GPR173: variants seen among roughly 807,000 people sequenced by gnomAD.
The protein encoded by GPR173 is probable G protein-coupled receptor 173.
A neutral mutation model predicts 13.9 loss-of-function variants in GPR173; 2 were observed. The observed-to-expected ratio is 0.14, with a 90% confidence interval of 0.06 to 0.45. The LOEUF (loss-of-function observed/expected upper bound fraction) is 0.45, where lower values mean the gene tolerates loss of function less well. GPR173 is among the 20% of genes least tolerant of loss of function. The pLI, the probability that GPR173 is intolerant of heterozygous loss-of-function variation, is 0.98. For synonymous variants in GPR173, 131 were observed against 141.0 expected (o/e 0.93, Z 0.50); for missense variants, 202 against 340.5 (o/e 0.59, Z 3.20).
rs186097509 is a variant in GPR173 at position 53,057,615 on chromosome X, G to C, written c.-98+8131G>C. On this transcript the variant is annotated intron_variant, in intron 1 of 1. Coordinates refer to ENST00000332582, the MANE Select transcript of GPR173 (RefSeq NM_018969.6). Reference sequence around the variant, plus strand: ...ACCACACACACAAAATTAGCCAGGCGTGGTGGCGCATGCCTGTAATACCAG... The same window carrying C: ...ACCACACACACAAAATTAGCCAGGCCTGGTGGCGCATGCCTGTAATACCAG... Among the ~76,000 whole-genome samples, 13 of 102,572 alleles carry C rather than the reference G, an allele frequency of 1.3e-4. No homozygotes were observed. In the East Asian group the frequency reaches 3.8e-3, roughly 30 times the overall value. The allele number at this position is 102,572 out of a possible 115,157, so 89.1% of individuals were successfully genotyped here.
At chrX:53,074,325 T>C (rs1203322202) in intron 1 of GPR173, among the ~76,000 whole-genome samples, 1 of 30,686 alleles carries the variant, frequency 3.3e-5, no homozygotes, top group Non-Finnish European at 5.5e-5. Context: ...TATATTTATA[T>C]ATAAATGTAT....
chrX:53,051,832 T>C (rs187807648), intron 1 of GPR173, among the ~76,000 whole-genome samples: 115 of 110,955 alleles, frequency 1.0e-3, no homozygotes, highest in Admixed American at 1.6e-3. Context: ...CTTGTGCATA[T>C]TGGTGTGTGC....
chrX:53,056,086 G>A (rs1932032724), intron 1 of GPR173, among the ~76,000 whole-genome samples: 1 of 109,447 alleles, frequency 9.1e-6, no homozygotes, highest in Non-Finnish European at 1.9e-5. Context: ...GATTGTAGGT[G>A]TGCCTGGTTC....
rs370688515 is a variant in GPR173, at chrX:53,078,018, G to GTC, written c.*302_*303dup. 5.4e-3 allele frequency: 1,362 copies of GTC among 254,563 alleles called. 2 individuals are homozygous for GTC. The highest frequency in any genetic ancestry group is 6.6e-3 in the Admixed American group (99 of 14,957). 21.0% of individuals were successfully genotyped at this position (254,563 alleles called of 1,213,427 possible). ...TCTCATTCTCTCTCTCTCTCTCTCT[G>GTC]TCTCTCTCTCTCTCTCTCTCTCTCT... On this transcript the variant is annotated 3_prime_UTR_variant, in exon 2 of 2. Transcript: ENST00000332582.
chrX:53,072,355 A>T (rs1298943613), intron 1 of GPR173, among the ~76,000 whole-genome samples: 4 of 98,902 alleles, frequency 4.0e-5, no homozygotes, highest in Non-Finnish European at 8.0e-5. Context: ...TCCTGGCGTT[A>T]GCCCTCTCCC....
intron 1 of GPR173, among the ~76,000 whole-genome samples, chrX:53,074,378 A>C (rs868980885): frequency 0.19 from 68 of 362 alleles, 4 homozygotes; most frequent in East Asian, 0.25. Context: ...TTATAAATAA[A>C]TATATAAATA....
Position 53,076,576 on chromosome X carries a change from G to T in GPR173, c.-46G>T. 9.1e-7 allele frequency: 1 copy of T among 1,102,658 alleles called. No individual in the cohort carries two copies. Among genetic ancestry groups the T allele is most frequent in the South Asian group, 2.1e-5 (1 of 46,918 alleles). The allele number at this position is 1,102,658 out of a possible 1,213,427, so 90.9% of individuals were successfully genotyped here. A position where few individuals can be genotyped will look rare whatever the true frequency, so the allele number is the denominator to read the frequency against. ...AGCCCCCCCGGGCCCATCGAGTACC[G>T]GACTGGCTGACCCCCTAGGGTTGGC... On this transcript the variant is annotated 5_prime_UTR_variant, in exon 2 of 2. Transcript: ENST00000332582.
In GPR173 at chrX:53,076,871, C is replaced by A. The variant is rs781854629; in HGVS notation, c.250C>A (p.Arg84Ser). 2.5e-5 allele frequency: 30 copies of A among 1,208,701 alleles called. No homozygotes were observed. Among genetic ancestry groups the A allele is most frequent in the Non-Finnish European group, 3.2e-5 (29 of 895,095 alleles). Residue 84 changes from arginine to serine, a missense_variant, in exon 2 of 2, where the codon CGC becomes AGC. By Grantham distance (110) the Arg-to-Ser change is moderately radical (BLOSUM62 -1). Around this residue, in one of 3 missense-constraint regions of GPR173, gnomAD observed 98 missense variants for 137.2 expected, o/e 0.71. Coordinates refer to ENST00000332582, the MANE Select transcript of GPR173 (RefSeq NM_018969.6). ...CTTCCCCTTTGTGCTGGCTTCTGTG[C>A]GCCACGGCTCTTCATGGACCTTCAG... ...VCFPFVLASV[R>S]HGSSWTFSAL...
At chrX:53,059,035 G>A (rs1421904752) in intron 1 of GPR173, among the ~76,000 whole-genome samples, 5 of 108,078 alleles carry the variant, frequency 4.6e-5, no homozygotes, top group African/African-American at 1.7e-4. Context: ...GGATCACGAG[G>A]TCAGGAGATC....
At chrX:53,067,642 A>G (rs782396628) in intron 1 of GPR173, among the ~76,000 whole-genome samples, 52 of 110,965 alleles carry the variant, frequency 4.7e-4, no homozygotes, top group East Asian at 3.7e-3. Context: ...TGGCTAACAC[A>G]GTGAAACCCC....
intron 1 of GPR173, among the ~76,000 whole-genome samples, chrX:53,072,918 TC>T (rs1932282985): frequency 9.0e-6 from 1 of 111,033 alleles, no homozygotes; most frequent in African/African-American, 3.3e-5. Context: ...CTCTGAGATT[TC>T]AGGGTGCCAT....
intron 1 of GPR173, among the ~76,000 whole-genome samples, chrX:53,072,393 G>GCTCTCTCTCTCTCTCTCTCTCTCTCT (rs111935395): frequency 1.4e-4 from 13 of 90,102 alleles, no homozygotes; most frequent in African/African-American, 4.8e-4. Flanking sequence ...TCTCTCTCTT[G>GCTCTCTCTCTCTCTCTCTCTCTCTCT]CTCTCTCTCT....
intron 1 of GPR173, among the ~76,000 whole-genome samples, chrX:53,056,213 G>T (rs1390715192): frequency 6.4e-5 from 7 of 109,975 alleles, no homozygotes; most frequent in African/African-American, 2.0e-4. Context: ...GCCTGTGCGT[G>T]TAAGTGCATT....
At chrX:53,066,614 G>A (rs1556804248) in intron 1 of GPR173, among the ~76,000 whole-genome samples, 1 of 109,497 alleles carries the variant, frequency 9.1e-6, no homozygotes, top group East Asian at 2.8e-4. Flanking sequence ...GTTGCAGTGA[G>A]CTGAGATTGC....
chrX:53,077,665 G>A lies in GPR173; in HGVS notation c.1044G>A (p.Lys348=), dbSNP rs782344705. 2 of 1,207,554 alleles carry A rather than the reference G, an allele frequency of 1.7e-6. No individual in the cohort carries two copies. Among genetic ancestry groups the A allele is most frequent in the Non-Finnish European group, 1.1e-6 (1 of 893,021 alleles). The change falls in exon 2 of 2, where the codon AAG becomes AAA. Residue 348 remains lysine (K), a synonymous_variant. Coordinates refer to ENST00000332582, the MANE Select transcript of GPR173 (RefSeq NM_018969.6). ...GCTTCCTGCTCAACAAGGACCTCAAGAAGTGCCTGAGGACTCACGCCCCCT... is the reference window on the plus strand; with the variant it reads ...GCTTCCTGCTCAACAAGGACCTCAAAAAGTGCCTGAGGACTCACGCCCCCT... The part of the protein sequence containing the change: ...IVCFLLNKDL[K]KCLRTHAPCW...
At chrX:53,051,050 G>A (rs1194175679) in intron 1 of GPR173, among the ~76,000 whole-genome samples, 2 of 112,447 alleles carry the variant, frequency 1.8e-5, no homozygotes, top group African/African-American at 6.5e-5. Flanking sequence ...TTGGCCTGTG[G>A]TCAGTGGTTG....
intron 1 of GPR173, among the ~76,000 whole-genome samples, chrX:53,066,691 T>A (rs1433954564): frequency 7.4e-5 from 8 of 107,436 alleles, no homozygotes; most frequent in African/African-American, 2.8e-4. Context: ...TGAGAAGCAT[T>A]CACAAAGAAA....
chrX:53,058,736 G>A (rs1932076070), intron 1 of GPR173, among the ~76,000 whole-genome samples: 1 of 111,008 alleles, frequency 9.0e-6, no homozygotes, highest in South Asian at 3.7e-4. Context: ...GGCACGGGAG[G>A]GCCTGGATCT....
intron 1 of GPR173, among the ~76,000 whole-genome samples, chrX:53,059,379 G>A (rs1418427967): frequency 9.2e-6 from 1 of 108,501 alleles, no homozygotes. Context: ...TGCAACCTCC[G>A]CCTCCATGCC....
Sources: allele counts gnomAD v4.1 joint callset (sites outside exome capture counted in the v4.1 genomes callset), GRCh38; gene constraint gnomAD v4.1.1; regional missense constraint gnomAD v4.1.1; transcripts MANE v1.5; gene names NCBI Gene and HGNC (gene_info 2026-07-23, HGNC 2026-07-21).